The following RIMS2 variants were observed in gnomAD, a reference collection of about 807,000 sequenced individuals.
RIMS2 encodes regulating synaptic membrane exocytosis protein 2.
Under a neutral mutation model 174.4 loss-of-function variants are expected in RIMS2, and 59 were observed. The ratio of observed to expected loss-of-function variants is 0.34; its 90% CI spans 0.27 to 0.42. The LOEUF (loss-of-function observed/expected upper bound fraction) is 0.42, where lower values mean the gene tolerates loss of function less well. RIMS2 is among the 10% of genes least tolerant of loss of function. The pLI, the probability that RIMS2 is intolerant of heterozygous loss-of-function variation, is 1.00. For missense variants in RIMS2, 1,620 were observed against 1,666.3 expected (o/e 0.97, Z 0.48); for synonymous variants, 606 against 572.5 (o/e 1.06, Z -0.84).
At chr8:103,909,427 ATTTAC>A (rs1246261768) in intron 4 of RIMS2, among the ~76,000 whole-genome samples, 1 of 152,052 alleles carries the variant, frequency 6.6e-6, no homozygotes, top group East Asian at 1.9e-4. Context: ...ATTTTTTGTA[ATTTAC>A]TTATTATAAG....
In RIMS2 at chr8:103,745,066, C is replaced by T. The variant is rs556809285; in HGVS notation, c.388-21161C>T. ...GTAAAATTAACTATTTTAAAGTATA[C>T]AAGTTAGTGGTTTTTAGTACATTAA... On this transcript the variant is annotated intron_variant, in intron 2 of 23. Transcript: ENST00000504942. Among the ~76,000 whole-genome samples, 3 of 152,236 alleles carry T rather than the reference C, an allele frequency of 2.0e-5. No individual in the cohort carries two copies. The South Asian group carries it at 6.2e-4, about 32-fold the overall frequency.
chr8:103,766,250 C>T (rs777979787), exon 3 of RIMS2: 1 of 1,612,154 alleles, frequency 6.2e-7, no homozygotes, highest in Non-Finnish European at 8.5e-7. Flanking sequence ...GTAATTTGTG[C>T]CGAAAACAAC....
chr8:104,082,471 G>C (rs1598427956), intron 19 of RIMS2, among the ~76,000 whole-genome samples: 1 of 152,130 alleles, frequency 6.6e-6, no homozygotes, highest in South Asian at 2.1e-4. Flanking sequence ...TGAAGTGAAG[G>C]ACTTCTCAGG....
intron 1 of RIMS2, among the ~76,000 whole-genome samples, chr8:103,543,762 A>G (rs1029809208): frequency 2.0e-5 from 3 of 152,252 alleles, no homozygotes; most frequent in Non-Finnish European, 4.4e-5. Flanking sequence ...AATCTCTTCA[A>G]TAAATGGTGT....
intron 2 of RIMS2, among the ~76,000 whole-genome samples, chr8:103,754,454 G>T (rs1035997291): frequency 7.2e-5 from 11 of 152,110 alleles, no homozygotes; most frequent in Non-Finnish European, 1.0e-4. Context: ...TCCGCTTGGT[G>T]CAGAGCTGAG....
intron 17 of RIMS2, among the ~76,000 whole-genome samples, chr8:104,010,206 G>A (rs1206435921): frequency 6.6e-6 from 1 of 152,096 alleles, no homozygotes. Context: ...GTAGGAAGTT[G>A]CATCAAATAC....
intron 19 of RIMS2, among the ~76,000 whole-genome samples, chr8:104,073,836 G>A (rs1190488635): frequency 1.3e-5 from 2 of 152,106 alleles, no homozygotes; most frequent in Non-Finnish European, 2.9e-5. Flanking sequence ...ATGTATTGGG[G>A]AAAGCAATTT....
chr8:103,974,729 T>C (rs1205780418), intron 15 of RIMS2, among the ~76,000 whole-genome samples: 2 of 152,190 alleles, frequency 1.3e-5, no homozygotes, highest in Admixed American at 6.5e-5. Context: ...CCCTGTCATA[T>C]ACTGTAAGAA....
chr8:103,540,060 T>C (rs1841804780), intron 1 of RIMS2, among the ~76,000 whole-genome samples: 1 of 152,208 alleles, frequency 6.6e-6, no homozygotes, highest in Admixed American at 6.5e-5. Flanking sequence ...CATCATGTAC[T>C]ATTTCCAATA....
chr8:103,802,656 C>T (rs1484473840), intron 3 of RIMS2, among the ~76,000 whole-genome samples: 1 of 152,102 alleles, frequency 6.6e-6, no homozygotes, highest in Admixed American at 6.6e-5. Flanking sequence ...TTTTATTTGC[C>T]TCACTGGATA....
In RIMS2 at chr8:103,766,431, G is replaced by A. The variant is rs368043544; in HGVS notation, c.592G>A (p.Val198Ile). 7.3e-5 allele frequency: 118 copies of A among 1,613,362 alleles called. No homozygotes were observed. The highest frequency in any genetic ancestry group is 2.8e-4 in the Admixed American group (17 of 60,024). ...CCAAGGACCCTCAGGTGACTTATCTGTACCTGCAGTGGAGAAAAGTCGATC... is the reference window on the plus strand; with the variant it reads ...CCAAGGACCCTCAGGTGACTTATCTATACCTGCAGTGGAGAAAAGTCGATC... Residue 198 changes from valine (V) to isoleucine (I), a missense_variant, in exon 3 of 24, where the codon GTA becomes ATA. Val to Ile is a conservative substitution (Grantham distance 29). Coordinates refer to ENST00000504942, the Ensembl canonical transcript of RIMS2.
At chr8:104,237,204 T>C (rs72685068) in intron 19 of RIMS2, among the ~76,000 whole-genome samples, 13,947 of 152,220 alleles carry the variant, frequency 0.092, 794 homozygotes, top group African/African-American at 0.16. Context: ...GGCCAATTTT[T>C]AAATGATGTT....
At chr8:103,833,821 A>T (rs2098840915) in intron 3 of RIMS2, among the ~76,000 whole-genome samples, 1 of 152,108 alleles carries the variant, frequency 6.6e-6, no homozygotes, top group South Asian at 2.1e-4. Flanking sequence ...GCTAATTTTA[A>T]CATCTGGGTT....
At chr8:104,131,454 A>G (rs1370203567) in intron 19 of RIMS2, among the ~76,000 whole-genome samples, 4 of 152,158 alleles carry the variant, frequency 2.6e-5, no homozygotes, top group Non-Finnish European at 4.4e-5. Flanking sequence ...GAATGCATGC[A>G]TGTGTTAATT....
intron 12 of RIMS2, among the ~76,000 whole-genome samples, chr8:103,932,293 C>T (rs561705699): frequency 1.3e-5 from 2 of 152,204 alleles, no homozygotes; most frequent in East Asian, 3.9e-4. Context: ...AGTAGAAAGT[C>T]AAGGTTGAGT....
intron 2 of RIMS2, among the ~76,000 whole-genome samples, chr8:103,756,253 G>A (rs1202746631): frequency 6.6e-6 from 1 of 152,130 alleles, no homozygotes; most frequent in Non-Finnish European, 1.5e-5. Flanking sequence ...GGTATCACCA[G>A]CAGAGGCTCA....
intron 1 of RIMS2, among the ~76,000 whole-genome samples, chr8:103,540,944 G>C (rs1356831748): frequency 6.6e-6 from 1 of 151,760 alleles, no homozygotes; most frequent in African/African-American, 2.4e-5. Context: ...TCAAAGACAA[G>C]TTACTTGAAA....
intron 1 of RIMS2, among the ~76,000 whole-genome samples, chr8:103,580,444 CATGT>C (rs776715326): frequency 4.4e-5 from 5 of 113,176 alleles, no homozygotes; most frequent in South Asian, 2.8e-4. Flanking sequence ...TATATGTGTG[CATGT>C]GTGTGTGTGT....
chr8:104,029,091 C>T (rs1488505076), intron 19 of RIMS2, among the ~76,000 whole-genome samples: 2 of 152,164 alleles, frequency 1.3e-5, no homozygotes, highest in Admixed American at 6.5e-5. Context: ...CCTGACATTG[C>T]CATGCCATTT....
Sources: allele counts gnomAD v4.1 joint callset (sites outside exome capture counted in the v4.1 genomes callset), GRCh38; gene constraint gnomAD v4.1.1; transcripts MANE v1.5; gene names NCBI Gene and HGNC (gene_info 2026-07-23, HGNC 2026-07-21).